POLI: variants seen among roughly 807,000 people sequenced by gnomAD.
POLI encodes DNA polymerase iota.
In POLI, 58 loss-of-function variants were observed where a neutral mutation model predicts 51.6. The observed-to-expected ratio is 1.12, with a 90% CI of 0.91 to 1.40. POLI has a LOEUF of 1.40. Ranked by LOEUF, POLI falls within the 40% of genes most tolerant of loss-of-function variation. POLI has a pLI of 0.00. For missense variants in POLI, 921 were observed against 871.3 expected (o/e 1.06, Z -0.72); for synonymous variants, 322 against 299.7 (o/e 1.07, Z -0.77).
At chr18:54,311,999 CAG>C (rs1418834803) in intron 3 of POLI, among the ~76,000 whole-genome samples, 1 of 152,210 alleles carries the variant, frequency 6.6e-6, no homozygotes, top group Admixed American at 6.5e-5. Flanking sequence ...AGGTTTGTTA[CAG>C]AGATATATTG....
At chr18:54,276,930 T>G (rs1344190358) in intron 3 of POLI, among the ~76,000 whole-genome samples, 17 of 152,200 alleles carry the variant, frequency 1.1e-4, no homozygotes, top group South Asian at 2.1e-4. Context: ...TTTTCTCTTA[T>G]CCAGCTGGTG....
Position 54,282,891 on chromosome 18 carries a change from G to T in POLI, c.851G>T (p.Arg284Leu). The T allele has an allele frequency of 6.3e-7, 1 of 1,583,672 alleles. No homozygotes were observed. Among genetic ancestry groups the T allele is most frequent in the Admixed American group, 1.8e-5 (1 of 55,868 alleles). Reference protein sequence around the residue: ...CLEALGINSVRDLQTFSPKIL... With the variant: ...CLEALGINSVLDLQTFSPKIL... ...GAAGCACTGGGTATCAATAGTGTGC[G>T]TGATCTCCAAACCTTTTCACCCAAA... is the stretch of plus-strand genomic sequence containing the variant. The change falls in exon 6 of 10, where the codon CGT (arginine) becomes CTT (leucine). Residue 284 changes from arginine (R) to leucine (L), a missense_variant. Arg to Leu is a moderately radical substitution (Grantham distance 102). Transcript: ENST00000579534.
Position 54,277,777 on chromosome 18 carries a change from G to T in POLI, c.481G>T (p.Val161Phe). Reference sequence around the variant, plus strand: ...AAATTTTGTGGATCTAACAGAAATGGTTGAGAAGAGACTACAGCAGCTGCA... The same window carrying T: ...AAATTTTGTGGATCTAACAGAAATGTTTGAGAAGAGACTACAGCAGCTGCA... ...DENFVDLTEM[V>F]EKRLQQLQSD... Residue 161 changes from valine (V) to phenylalanine (F), a missense_variant, in exon 4 of 10, where the codon GTT (valine) becomes TTT (phenylalanine). Physicochemically the swap from Val to Phe is conservative, Grantham distance 50. Transcript: ENST00000579534. 6.2e-7 allele frequency: 1 copy of T among 1,612,242 alleles called. No homozygotes were observed. The highest frequency in any genetic ancestry group is 1.1e-5 in the South Asian group (1 of 90,940).
intron 3 of POLI, among the ~76,000 whole-genome samples, chr18:54,316,846 A>G (rs2088739417): frequency 6.6e-6 from 1 of 152,224 alleles, no homozygotes; most frequent in African/African-American, 2.4e-5. Flanking sequence ...TGTAGAAAGC[A>G]CCACCTTGTG....
intron 8 of POLI, among the ~76,000 whole-genome samples, chr18:54,290,641 A>G (rs1330604284): frequency 6.6e-6 from 1 of 152,216 alleles, no homozygotes; most frequent in Admixed American, 6.5e-5. Context: ...ATGGAATACT[A>G]TGCAGCCATA....
Position 54,295,504 on chromosome 18 carries a change from C to T in POLI, c.*1037C>T. The T allele has an allele frequency of 1.1e-6, 1 of 940,670 alleles. No individual in the cohort carries two copies. Among genetic ancestry groups the T allele is most frequent in the Non-Finnish European group, 1.3e-6 (1 of 789,306 alleles). 58.3% of individuals were successfully genotyped at this position (940,670 alleles called of 1,614,324 possible). On this transcript the variant is annotated 3_prime_UTR_variant, in exon 10 of 10. Coordinates refer to ENST00000579534, the MANE Select transcript of POLI (RefSeq NM_007195.3). ...TCCCTCAGCACCAATATGGGAGTAT[C>T]CTGGTCTCAAGTTTATAATTTTTGC...
intron 7 of POLI, among the ~76,000 whole-genome samples, chr18:54,286,162 C>G (rs1274000940): frequency 6.6e-6 from 1 of 152,140 alleles, no homozygotes; most frequent in African/African-American, 2.4e-5. Context: ...CCGTGCCTGG[C>G]CCAGAACTAT....
rs188419814 is a variant in POLI, at chr18:54,304,120, A to G, written c.334-16153A>G. On this transcript the variant is annotated intron_variant, in intron 3 of 4. Transcript: ENST00000579823. ...CCTTTTTATGGCTGCATAGTATTCCATGGTATATATGTGACACATTTTCTT... is the reference window on the plus strand; with the variant it reads ...CCTTTTTATGGCTGCATAGTATTCCGTGGTATATATGTGACACATTTTCTT... Among the ~76,000 whole-genome samples the G allele has an allele frequency of 9.1e-4, 138 of 152,276 alleles. 2 individuals carry two copies. Among genetic ancestry groups the G allele is most frequent in the African/African-American group, 3.1e-3 (130 of 41,558 alleles).
chr18:54,308,979 C>T (rs556674384), intron 3 of POLI, among the ~76,000 whole-genome samples: 2 of 152,254 alleles, frequency 1.3e-5, no homozygotes, highest in African/African-American at 2.4e-5. Flanking sequence ...GTTAGCCATT[C>T]GTCTAATCTT....
intron 3 of POLI, among the ~76,000 whole-genome samples, chr18:54,308,154 TTGA>T (rs1457043537): frequency 1.3e-5 from 2 of 152,204 alleles, no homozygotes; most frequent in African/African-American, 2.4e-5. Context: ...TGCCCGTTAG[TTGA>T]TGCAGTTTCT....
At chr18:54,277,578 A>AT (rs926541252) in intron 3 of POLI, 125 bp from the exon 4 acceptor site, 3 of 579,866 alleles carry the variant, frequency 5.2e-6, no homozygotes, top group Admixed American at 6.3e-5. Context: ...TAAAGATATT[A>AT]TGGAACTATG....
At chr18:54,290,019 A>G (rs1227619716) in intron 8 of POLI, among the ~76,000 whole-genome samples, 1 of 152,234 alleles carries the variant, frequency 6.6e-6, no homozygotes, top group Non-Finnish European at 1.5e-5. Context: ...AGCAAAAGAA[A>G]CTATCAGCAG....
intron 2 of POLI, among the ~76,000 whole-genome samples, chr18:54,272,621 G>A (rs1404993182): frequency 6.6e-6 from 1 of 151,294 alleles, no homozygotes; most frequent in African/African-American, 2.4e-5. Context: ...AGAGGTGTGC[G>A]CCACCATACT....
chr18:54,287,714 G>T, intron 8 of POLI: 1 of 205,348 alleles, frequency 4.9e-6, no homozygotes, highest in Non-Finnish European at 1.0e-5. Context: ...CGAGTAGCTG[G>T]GACAGTAGGT....
At chr18:54,281,974 T>G (rs980805783) in intron 5 of POLI, among the ~76,000 whole-genome samples, 2 of 152,176 alleles carry the variant, frequency 1.3e-5, no homozygotes, top group African/African-American at 4.8e-5. Flanking sequence ...TTTTCTCTTG[T>G]GAATAAAGTA....
At position 54,296,539 on chromosome 18, in the gene POLI, G is replaced by C. The variant is rs1599258395; in HGVS notation, c.*2072G>C. 1 of 207,560 alleles carries C rather than the reference G, an allele frequency of 4.8e-6. No homozygotes were observed. The highest frequency in any genetic ancestry group is 8.4e-6 in the Non-Finnish European group (1 of 118,874). 12.9% of individuals were successfully genotyped at this position (207,560 alleles called of 1,614,324 possible). A position where few individuals can be genotyped will look rare whatever the true frequency, so the allele number is the denominator to read the frequency against. On this transcript the variant is annotated 3_prime_UTR_variant, in exon 10 of 10. Transcript: ENST00000579534. Reference sequence around the variant, plus strand: ...CTTCTTCCTGTATCTTTTAATTCATGTTCTGTAAAATTCTCAACCACTAGC... The same window carrying C: ...CTTCTTCCTGTATCTTTTAATTCATCTTCTGTAAAATTCTCAACCACTAGC...
At chr18:54,281,978 T>C (rs2087522735) in intron 5 of POLI, among the ~76,000 whole-genome samples, 1 of 152,160 alleles carries the variant, frequency 6.6e-6, no homozygotes, top group Non-Finnish European at 1.5e-5. Context: ...CTCTTGTGAA[T>C]AAAGTATGAC....
At chr18:54,281,522 A>G (rs747802674) in intron 5 of POLI, among the ~76,000 whole-genome samples, 1 of 152,148 alleles carries the variant, frequency 6.6e-6, no homozygotes, top group Non-Finnish European at 1.5e-5. Flanking sequence ...TTCTAATACC[A>G]CTGAAACTTA....
chr18:54,273,164 T>A (rs534655151), intron 2 of POLI, among the ~76,000 whole-genome samples: 1 of 152,060 alleles, frequency 6.6e-6, no homozygotes, highest in Non-Finnish European at 1.5e-5. Flanking sequence ...TTTTATGCAG[T>A]CTGTAAATAA....
Sources: allele counts gnomAD v4.1 joint callset (sites outside exome capture counted in the v4.1 genomes callset), GRCh38; gene constraint gnomAD v4.1.1; transcripts MANE v1.5; gene names NCBI Gene and HGNC (gene_info 2026-07-23, HGNC 2026-07-21).